The following MED27 variants were observed in gnomAD, a reference collection of about 807,000 sequenced individuals.
MED27 encodes the protein mediator complex subunit 27, also known as mediator of RNA polymerase II transcription subunit 27.
A neutral mutation model predicts 38.2 loss-of-function variants in MED27; 30 were observed. The observed-to-expected ratio is 0.79, with a 90% CI of 0.59 to 1.07. The LOEUF (loss-of-function observed/expected upper bound fraction) is 1.07, where lower values mean the gene tolerates loss of function less well. Among genes scored for constraint, MED27 ranks in the 50% least tolerant of loss-of-function variants. MED27 has a pLI of 0.00. For synonymous variants in MED27, 122 were observed against 153.5 expected, an observed-to-expected ratio of 0.79 and a Z score of 1.52; for missense variants, 289 against 397.5, an observed-to-expected ratio of 0.73 and a Z score of 2.32.
At chr9:131,974,233 T>A (rs12340551) in intron 3 of MED27, among the ~76,000 whole-genome samples, 1,708 of 152,328 alleles carry the variant, frequency 0.011, 30 homozygotes, top group African/African-American at 0.039. Flanking sequence ...TAAACTGTCT[T>A]GTTATAAATG....
chr9:132,065,224 G>A (rs770629300), intron 2 of MED27, among the ~76,000 whole-genome samples: 2 of 152,106 alleles, frequency 1.3e-5, no homozygotes, highest in South Asian at 2.1e-4. Context: ...CACGTATAGC[G>A]GCATCAAGAG....
intron 3 of MED27, among the ~76,000 whole-genome samples, chr9:131,946,790 C>T (rs868395234): frequency 1.3e-5 from 2 of 152,194 alleles, no homozygotes; most frequent in Admixed American, 1.3e-4. Context: ...AGTATTCTCA[C>T]CCCCGTGCCT....
chr9:131,977,705 C>T (rs57306855), intron 3 of MED27, among the ~76,000 whole-genome samples: 5,525 of 152,108 alleles, frequency 0.036, 342 homozygotes, highest in African/African-American at 0.13. Context: ...AATGAATGGT[C>T]CTAGCCAAAA....
At chr9:131,897,709 G>A (rs1202571588) in intron 4 of MED27, among the ~76,000 whole-genome samples, 1 of 152,154 alleles carries the variant, frequency 6.6e-6, no homozygotes, top group Non-Finnish European at 1.5e-5. Context: ...TGGGTTCATG[G>A]GGTTCTTTGT....
rs1430635441 is a variant in MED27, at chr9:131,917,310, G to T, written c.573+22071C>A. ...GATACCCAGGGAAGGGAGGAGAGAG[G>T]GAAGAAGAGGAGAAAGGTCAACTGA... On this transcript the variant is annotated intron_variant, in intron 4 of 7. Transcript: ENST00000292035. The surrounding 1 kb of genome is among the most constrained non-coding windows in gnomAD (Gnocchi z 4.6). 6.6e-6 allele frequency among the ~76,000 whole-genome samples: 1 copy of T among 152,072 alleles called. No individual in the cohort carries two copies. Among genetic ancestry groups the T allele is most frequent in the Admixed American group, 6.6e-5 (1 of 15,264 alleles).
intron 2 of MED27, among the ~76,000 whole-genome samples, chr9:132,038,247 A>G (rs1833126564): frequency 7.7e-6 from 1 of 129,778 alleles, no homozygotes; most frequent in Admixed American, 8.8e-5. Flanking sequence ...GCTGGAGTGC[A>G]GTGGCGGGAT....
intron 5 of MED27, among the ~76,000 whole-genome samples, chr9:131,890,207 G>C (rs914538686): frequency 1.3e-5 from 2 of 152,214 alleles, no homozygotes; most frequent in Non-Finnish European, 2.9e-5. Flanking sequence ...ATGAGATTCT[G>C]AGTGGAACAG....
intron 3 of MED27, among the ~76,000 whole-genome samples, chr9:132,001,312 C>T (rs1832228808): frequency 6.6e-6 from 1 of 152,076 alleles, no homozygotes; most frequent in Non-Finnish European, 1.5e-5. Context: ...GAGGTATATA[C>T]ATGTGTCACA....
rs184786449 is a variant in MED27, at chr9:131,986,817, C to G, written c.479+27520G>C. Among the ~76,000 whole-genome samples, 683 of 152,264 alleles carry G rather than the reference C, an allele frequency of 4.5e-3. 5 individuals are homozygous for G. The highest frequency in any genetic ancestry group is 3.8e-3 in the Non-Finnish European group (256 of 68,024). On this transcript the variant is annotated intron_variant, in intron 3 of 7. Coordinates refer to ENST00000292035, the MANE Select transcript of MED27 (RefSeq NM_004269.4). ...GACCACTCACTTCACCATTTCTCATCAGAATGTAAGCTAATGAATCGTTAC... is the reference window on the plus strand; with the variant it reads ...GACCACTCACTTCACCATTTCTCATGAGAATGTAAGCTAATGAATCGTTAC...
chr9:131,903,813 C>A (rs566700734), intron 4 of MED27, among the ~76,000 whole-genome samples: 9 of 152,128 alleles, frequency 5.9e-5, no homozygotes, highest in African/African-American at 2.2e-4. Context: ...CTGCAACCTC[C>A]ACCTCCCAGG....
chr9:132,079,547 G>A, intron 1 of MED27, 95 bp downstream of exon 1: 1 of 1,163,294 alleles, frequency 8.6e-7, no homozygotes, highest in Non-Finnish European at 1.3e-6. Flanking sequence ...CAAGGGAAAC[G>A]GAGAACAGCC....
intron 6 of MED27, among the ~76,000 whole-genome samples, chr9:131,877,409 T>TAC (rs1040765592): frequency 3.3e-5 from 5 of 151,758 alleles, no homozygotes; most frequent in East Asian, 1.9e-4. Context: ...CTACTAAAAA[T>TAC]ACACACACAC....
chr9:132,075,482 T>C (rs770677721), intron 2 of MED27, among the ~76,000 whole-genome samples: 1 of 152,226 alleles, frequency 6.6e-6, no homozygotes, highest in African/African-American at 2.4e-5. Context: ...TTTTAACCTG[T>C]AGCATTTCCA....
intron 2 of MED27, among the ~76,000 whole-genome samples, chr9:132,069,062 A>C (rs1166754411): frequency 6.6e-6 from 1 of 152,244 alleles, no homozygotes; most frequent in African/African-American, 2.4e-5. Flanking sequence ...TTTCCTTTCT[A>C]TTCAACATTC....
chr9:131,943,189 A>C (rs1026490891), intron 3 of MED27, among the ~76,000 whole-genome samples: 1 of 152,214 alleles, frequency 6.6e-6, no homozygotes, highest in Non-Finnish European at 1.5e-5. Flanking sequence ...GAAAGAGAGA[A>C]AGTCAGCTGC....
At chr9:131,892,265 C>T (rs1839241472) in intron 5 of MED27, among the ~76,000 whole-genome samples, 2 of 152,058 alleles carry the variant, frequency 1.3e-5, no homozygotes, top group South Asian at 4.1e-4. Flanking sequence ...ACCTCTGAGA[C>T]TCTATATTTC....
chr9:131,873,874 TG>T (rs978251497), intron 6 of MED27, among the ~76,000 whole-genome samples: 4 of 152,220 alleles, frequency 2.6e-5, no homozygotes, highest in Non-Finnish European at 5.9e-5. Flanking sequence ...TGGTTTGGTT[TG>T]GGGGTTCCAA....
At chr9:132,032,316 G>A (rs907364139) in intron 2 of MED27, 8 of 152,186 alleles carry the variant, frequency 5.3e-5, no homozygotes, top group South Asian at 4.2e-4. Context: ...GGTGTTTACC[G>A]AGAAAGTGAA....
At chr9:132,070,962 A>C (rs1050251903) in intron 2 of MED27, among the ~76,000 whole-genome samples, 3 of 152,216 alleles carry the variant, frequency 2.0e-5, no homozygotes, top group Non-Finnish European at 4.4e-5. Context: ...GGAGAATAGC[A>C]AAGTCAGGTG....
Sources: allele counts gnomAD v4.1 joint callset (sites outside exome capture counted in the v4.1 genomes callset), GRCh38; gene constraint gnomAD v4.1.1; non-coding constraint Gnocchi (gnomAD v3.1); transcripts MANE v1.5; gene names NCBI Gene and HGNC (gene_info 2026-07-23, HGNC 2026-07-21).